The following ERC1 variants were observed in gnomAD, a reference collection of about 807,000 sequenced individuals.
The protein encoded by ERC1 is RAB6 interacting protein 2.
In ERC1, 56 loss-of-function variants were observed where a neutral mutation model predicts 132.0. The observed-to-expected ratio is 0.42, with a 90% CI of 0.34 to 0.53. The LOEUF (loss-of-function observed/expected upper bound fraction) is 0.53, where lower values mean the gene tolerates loss of function less well. Ranked by LOEUF, ERC1 falls within the 20% of genes least tolerant of loss-of-function variation. The pLI, the probability that ERC1 is intolerant of heterozygous loss-of-function variation, is 0.03. For synonymous variants in ERC1, 478 were observed against 476.1 expected (o/e 1.00, Z -0.05); for missense variants, 1,202 against 1,349.9 (o/e 0.89, Z 1.72).
At chr12:1,219,290 A>T (rs556458847) in intron 12 of ERC1, among the ~76,000 whole-genome samples, 1 of 152,300 alleles carries the variant, frequency 6.6e-6, no homozygotes, top group South Asian at 2.1e-4. Flanking sequence ...GTCTTTAGTT[A>T]AATATCAAAT....
chr12:1,058,289 C>T (rs1032012516), intron 2 of ERC1, among the ~76,000 whole-genome samples: 2 of 151,942 alleles, frequency 1.3e-5, no homozygotes, highest in African/African-American at 4.8e-5. Context: ...GTTTCCCCTA[C>T]ATTTTTTTTT....
At chr12:1,040,003 G>C (rs1969901486) in intron 2 of ERC1, among the ~76,000 whole-genome samples, 1 of 152,124 alleles carries the variant, frequency 6.6e-6, no homozygotes, top group South Asian at 2.1e-4. Flanking sequence ...ATTCCTGAAA[G>C]TTATTATTTA....
chr12:1,493,548 A>AAAAAAAAAATATATATATATAT lies in ERC1; in HGVS notation c.*3319_*3320insAAAAAAAATATATATATATATA, dbSNP rs56939346. ...ACTCCATTTAAAAAAAAAAAAAAAA[A>AAAAAAAAAATATATATATATAT]ATATATATATATATATATATATATA... On this transcript the variant is annotated 3_prime_UTR_variant, in exon 19 of 19. Coordinates refer to ENST00000360905, the MANE Select transcript of ERC1 (RefSeq NM_178040.4). The AAAAAAAAAATATATATATATAT allele has an allele frequency of 1.0e-3, 14 of 13,616 alleles. No homozygotes were observed. Among genetic ancestry groups the AAAAAAAAAATATATATATATAT allele is most frequent in the Non-Finnish European group, 1.9e-3 (13 of 6,816 alleles). 0.8% of individuals were successfully genotyped at this position (13,616 alleles called of 1,614,324 possible). A position where few individuals can be genotyped will look rare whatever the true frequency, so the allele number is the denominator to read the frequency against.
intron 13 of ERC1, among the ~76,000 whole-genome samples, chr12:1,252,346 T>C (rs984893029): frequency 2.6e-5 from 4 of 152,134 alleles, no homozygotes; most frequent in Non-Finnish European, 5.9e-5. Flanking sequence ...AAGGAAAAGA[T>C]ATTTTTGGGA....
chr12:1,124,108 T>C (rs1182621233), intron 7 of ERC1, among the ~76,000 whole-genome samples: 1 of 152,212 alleles, frequency 6.6e-6, no homozygotes, highest in Non-Finnish European at 1.5e-5. Context: ...CAACATAAAG[T>C]TTTAATAACA....
Position 1,341,069 on chromosome 12 carries a change from CTTTTTTTTTTTTTTTTTTTTTTTT to C in ERC1, c.2781-30745_2781-30722del, listed in dbSNP as rs35902573. Among the ~76,000 whole-genome samples the C allele has an allele frequency of 2.8e-3, 174 of 63,160 alleles. 1 individual carries two copies. Among genetic ancestry groups the C allele is most frequent in the Admixed American group, 7.8e-3 (33 of 4,230 alleles). 41.4% of individuals were successfully genotyped at this position (63,160 alleles called of 152,430 possible). A position where few individuals can be genotyped will look rare whatever the true frequency, so the allele number is the denominator to read the frequency against. ...AATGTCCACTTATTCTTTTCTTTTT[CTTTTTTTTTTTTTTTTTTTTTTTT>C]TTTTTTTTTTTTTTTTTTGAGGCAG... is the stretch of plus-strand genomic sequence containing the variant. On this transcript the variant is annotated intron_variant, in intron 15 of 18. Coordinates refer to ENST00000360905, the MANE Select transcript of ERC1 (RefSeq NM_178040.4).
At chr12:1,477,910 T>C (rs2094006426) in intron 18 of ERC1, among the ~76,000 whole-genome samples, 1 of 152,246 alleles carries the variant, frequency 6.6e-6, no homozygotes, top group Non-Finnish European at 1.5e-5. Context: ...GAATTGTATC[T>C]GTTTTGTTAT....
chr12:1,096,598 G>A (rs562896607), intron 3 of ERC1, among the ~76,000 whole-genome samples: 11 of 152,330 alleles, frequency 7.2e-5, no homozygotes, highest in South Asian at 2.1e-4. Flanking sequence ...GGAGGCTGAC[G>A]AGTTTGTCGT....
chr12:1,204,627 A>G, intron 12 of ERC1: 2 of 956,894 alleles, frequency 2.1e-6, no homozygotes, highest in South Asian at 1.6e-5. Context: ...CTAGAAATCT[A>G]GCTGTGAGGA....
At position 1,248,402 on chromosome 12, in the gene ERC1, G is replaced by A. The variant is rs116909384; in HGVS notation, c.2487+11498G>A. ...AACAGGACACTGTGATAGATGATGG[G>A]GGAGGGAAATATTTTGGGCAACAAA... On this transcript the variant is annotated intron_variant, in intron 13 of 18. Transcript: ENST00000360905. 8.3e-3 allele frequency among the ~76,000 whole-genome samples: 1,268 copies of A among 152,258 alleles called. 14 individuals carry two copies. The highest frequency in any genetic ancestry group is 0.011 in the Non-Finnish European group (771 of 68,008).
At chr12:1,173,400 A>G (rs538588960) in intron 8 of ERC1, among the ~76,000 whole-genome samples, 1 of 152,224 alleles carries the variant, frequency 6.6e-6, no homozygotes, top group Admixed American at 6.5e-5. Flanking sequence ...ATTTTATTTT[A>G]GGGGTTCTGT....
intron 1 of ERC1, among the ~76,000 whole-genome samples, chr12:1,017,487 G>A (rs893520307): frequency 6.8e-6 from 1 of 146,324 alleles, no homozygotes; most frequent in African/African-American, 2.5e-5. Flanking sequence ...TTTAAATGTT[G>A]TTCTGGTATT....
At chr12:1,020,978 C>G (rs1966270202) in intron 1 of ERC1, among the ~76,000 whole-genome samples, 1 of 152,186 alleles carries the variant, frequency 6.6e-6, no homozygotes, top group Admixed American at 6.5e-5. Context: ...CCTGCTCTTT[C>G]ACCCAGGCAG....
intron 15 of ERC1, among the ~76,000 whole-genome samples, chr12:1,365,606 G>A (rs2086586090): frequency 1.3e-5 from 2 of 152,164 alleles, no homozygotes; most frequent in East Asian, 1.9e-4. Context: ...GACTAGCAAA[G>A]TATATCAGCG....
At chr12:1,084,736 G>C (rs994852184) in intron 3 of ERC1, among the ~76,000 whole-genome samples, 10 of 151,868 alleles carry the variant, frequency 6.6e-5, no homozygotes, top group Admixed American at 5.2e-4. Flanking sequence ...CTGTCACTCA[G>C]GCTGGAGTGC....
At chr12:1,439,965 A>C (rs191426744) in intron 17 of ERC1, among the ~76,000 whole-genome samples, 2 of 152,282 alleles carry the variant, frequency 1.3e-5, no homozygotes, top group African/African-American at 4.8e-5. Flanking sequence ...CGAGAGGCTT[A>C]AGTAGTTTTT....
chr12:1,065,493 T>TGC (rs1377464965), intron 2 of ERC1, among the ~76,000 whole-genome samples: 1 of 142,480 alleles, frequency 7.0e-6, no homozygotes, highest in African/African-American at 2.5e-5. Flanking sequence ...TGTGTGTGTG[T>TGC]GTGTGTGTGT....
chr12:1,275,699 A>G (rs1594724473), intron 14 of ERC1, among the ~76,000 whole-genome samples: 1 of 152,076 alleles, frequency 6.6e-6, no homozygotes, highest in Non-Finnish European at 1.5e-5. Flanking sequence ...CTTTAAGTGG[A>G]TGGTTGTCTT....
intron 17 of ERC1, among the ~76,000 whole-genome samples, chr12:1,421,453 T>A (rs1591945323): frequency 1.3e-5 from 2 of 152,046 alleles, no homozygotes; most frequent in Non-Finnish European, 2.9e-5. Context: ...TTGGTTGGGG[T>A]TGCGATCATA....
Sources: gnomAD v4.1 joint callset for allele counts (sites outside exome capture counted in the v4.1 genomes callset) on GRCh38, gnomAD v4.1.1 for gene constraint, MANE v1.5 for transcripts, NCBI Gene and HGNC (gene_info 2026-07-23, HGNC 2026-07-21) for gene names.